Variants in ADCY5 observed in about 807,000 individuals in gnomAD.
ADCY5 encodes the protein adenylate cyclase 5, also known as adenylate cyclase type 5.
A neutral mutation model predicts 119.7 loss-of-function variants in ADCY5; 30 were observed. The observed-to-expected ratio is 0.25, with a 90% CI of 0.19 to 0.34. The LOEUF is 0.34. ADCY5 is among the 10% of genes least tolerant of loss of function. The probability of loss-of-function intolerance (pLI) is 1.00; values close to 1 mark genes in which losing one functional copy is unlikely to be tolerated. For missense variants in ADCY5, 1,324 were observed against 1,775.2 expected, an observed-to-expected ratio of 0.75 and a Z score of 4.57; for synonymous variants, 753 against 762.2, an observed-to-expected ratio of 0.99 and a Z score of 0.20.
chr3:123,302,456 G>A (rs759738836), intron 14 of ADCY5, among the ~76,000 whole-genome samples: 4 of 152,146 alleles, frequency 2.6e-5, no homozygotes, highest in African/African-American at 4.8e-5. Context: ...CACTTTGAAC[G>A]GGTGAGGTTT....
intron 3 of ADCY5, among the ~76,000 whole-genome samples, chr3:123,339,910 G>T (rs1258019243): frequency 6.6e-6 from 1 of 152,220 alleles, no homozygotes; most frequent in Admixed American, 6.5e-5. Context: ...GACCTCAGGG[G>T]GGAGTCTATG....
chr3:123,320,687 G>C, intron 9 of ADCY5, 62 bp downstream of exon 9: 1 of 1,594,102 alleles, frequency 6.3e-7, no homozygotes, highest in East Asian at 2.2e-5. Flanking sequence ...CAAGTGATAA[G>C]GTGGATTGGG....
At chr3:123,317,124 G>A (rs559385096) in intron 11 of ADCY5, among the ~76,000 whole-genome samples, 2 of 152,216 alleles carry the variant, frequency 1.3e-5, no homozygotes, top group African/African-American at 4.8e-5. Flanking sequence ...AGACTCTAAT[G>A]TGAATGACAA....
At chr3:123,347,000 C>T (rs527356202) in intron 3 of ADCY5, among the ~76,000 whole-genome samples, 4 of 152,196 alleles carry the variant, frequency 2.6e-5, no homozygotes, top group Admixed American at 6.5e-5. Context: ...GCGGCAAACA[C>T]GCAGTGAAAG....
chr3:123,426,419 G>A (rs1945415347), intron 1 of ADCY5, among the ~76,000 whole-genome samples: 1 of 151,786 alleles, frequency 6.6e-6, no homozygotes, highest in African/African-American at 2.4e-5. Context: ...CCCCTCCTGG[G>A]TTCCAGTAAT....
chr3:123,398,283 CTT>C (rs1169096680), intron 1 of ADCY5, among the ~76,000 whole-genome samples: 1 of 152,132 alleles, frequency 6.6e-6, no homozygotes, highest in African/African-American at 2.4e-5. Flanking sequence ...GACCCACACA[CTT>C]TGGCTGCAGA....
At chr3:123,327,334 G>C (rs957797877) in intron 7 of ADCY5, among the ~76,000 whole-genome samples, 3 of 152,202 alleles carry the variant, frequency 2.0e-5, no homozygotes, top group Non-Finnish European at 2.9e-5. Context: ...GGTATCCACA[G>C]ACTCCCTTGA....
rs1041111850 is a variant in ADCY5, at chr3:123,303,127, C to T, written c.2652G>A (p.Ser884=). ...SQVNACHVAE[S]AVNYSLGDEQ... is the part of the protein sequence containing the mutation. ...CATCGCCCAGGCTGTAGTTGACGGC[C>T]GACTCCGCCACGTGACACGCGTTGA... The change falls in exon 14 of 21, where the codon TCG becomes TCA. Residue 884 remains serine, a synonymous_variant. Coordinates refer to ENST00000462833, the MANE Select transcript of ADCY5 (RefSeq NM_183357.3). The T allele has an allele frequency of 4.3e-6, 7 of 1,613,732 alleles. No individual in the cohort carries two copies. Among genetic ancestry groups the T allele is most frequent in the East Asian group, 4.5e-5 (2 of 44,884 alleles).
chr3:123,328,769 G>A lies in ADCY5; in HGVS notation c.1680C>T (p.Asn560=), dbSNP rs750663048. The A allele has an allele frequency of 6.2e-7, 1 of 1,614,226 alleles. No individual in the cohort carries two copies. Among genetic ancestry groups the A allele is most frequent in the South Asian group, 1.1e-5 (1 of 91,084 alleles). The part of the protein sequence containing the change: ...LVREVTGVNV[N]MRVGIHSGRV... ...GCCCGCTGTGAATTCCCACACGCAT[G>A]TTCACGTTCACCCCTGTCACCTCCC... The change falls in exon 6 of 21, where the codon AAC becomes AAT. Residue 560 remains asparagine (N), a synonymous_variant. Coordinates refer to ENST00000462833, the MANE Select transcript of ADCY5 (RefSeq NM_183357.3).
chr3:123,306,145 G>A (rs1296344562), intron 12 of ADCY5, among the ~76,000 whole-genome samples: 1 of 152,246 alleles, frequency 6.6e-6, no homozygotes, highest in East Asian at 1.9e-4. Flanking sequence ...AAGGAAAGGT[G>A]TGATCTGGAG....
rs767211663 is a variant in ADCY5, at chr3:123,437,521, G to A, written c.1134+9891C>T. Among the ~76,000 whole-genome samples the A allele has an allele frequency of 7.2e-5, 11 of 152,138 alleles. No homozygotes were observed. The South Asian group carries it at 1.5e-3, about 20-fold the overall frequency. ...CTTCTCTTATCCCAGTTTCTGCAGC[G>A]GTGTAGAATTTTAAAAATCGGAATA... On this transcript the variant is annotated intron_variant, in intron 1 of 20. Coordinates refer to ENST00000462833, the MANE Select transcript of ADCY5 (RefSeq NM_183357.3).
At chr3:123,353,187 C>A (rs1290865221) in intron 1 of ADCY5, among the ~76,000 whole-genome samples, 1 of 152,202 alleles carries the variant, frequency 6.6e-6, no homozygotes, top group Non-Finnish European at 1.5e-5. Context: ...ACAACCACTG[C>A]ACCAGCCGGC....
chr3:123,363,308 C>T (rs1408071555), intron 1 of ADCY5, among the ~76,000 whole-genome samples: 1 of 152,020 alleles, frequency 6.6e-6, no homozygotes, highest in Non-Finnish European at 1.5e-5. Context: ...CAGTATTTTA[C>T]CTATTTAAAT....
At chr3:123,313,855 G>A (rs927985824) in intron 12 of ADCY5, among the ~76,000 whole-genome samples, 1 of 152,154 alleles carries the variant, frequency 6.6e-6, no homozygotes, top group Non-Finnish European at 1.5e-5. Flanking sequence ...AGCGGGTGTC[G>A]AGAGAGACCT....
chr3:123,371,592 C>G (rs1316599908), intron 1 of ADCY5, among the ~76,000 whole-genome samples: 2 of 152,228 alleles, frequency 1.3e-5, no homozygotes, highest in African/African-American at 2.4e-5. Flanking sequence ...TGGTCCTGAG[C>G]CTCGGGGCAT....
chr3:123,394,041 G>T (rs1457692994), intron 1 of ADCY5, among the ~76,000 whole-genome samples: 2 of 151,926 alleles, frequency 1.3e-5, no homozygotes, highest in Non-Finnish European at 2.9e-5. Context: ...GAGGCAGGAG[G>T]ATCACTTCAA....
chr3:123,432,658 C>A (rs1047863568), intron 1 of ADCY5, among the ~76,000 whole-genome samples: 3 of 152,138 alleles, frequency 2.0e-5, no homozygotes, highest in Non-Finnish European at 4.4e-5. Flanking sequence ...AGCCTCCTAA[C>A]TGGGACCACA....
intron 12 of ADCY5, among the ~76,000 whole-genome samples, chr3:123,304,717 T>C (rs908673565): frequency 2.0e-5 from 3 of 152,086 alleles, no homozygotes; most frequent in Non-Finnish European, 4.4e-5. Context: ...GAGTGAGCTC[T>C]ATCCTTAGCA....
chr3:123,334,635 G>T (rs1455903285), intron 3 of ADCY5, among the ~76,000 whole-genome samples: 1 of 152,174 alleles, frequency 6.6e-6, no homozygotes, highest in Non-Finnish European at 1.5e-5. Context: ...CTACTCAAGA[G>T]GCTGAGGCAG....
Sources: allele counts gnomAD v4.1 joint callset (sites outside exome capture counted in the v4.1 genomes callset), GRCh38; gene constraint gnomAD v4.1.1; transcripts MANE v1.5; gene names NCBI Gene and HGNC (gene_info 2026-07-23, HGNC 2026-07-21).